TUB: variants seen among roughly 807,000 people sequenced by gnomAD.
TUB encodes tubby protein homolog.
A neutral mutation model predicts 59.7 loss-of-function variants in TUB; 33 were observed. The observed-to-expected ratio is 0.55, with a 90% CI of 0.42 to 0.74. TUB has a LOEUF of 0.74. TUB is among the 30% of genes least tolerant of loss of function. The probability of loss-of-function intolerance (pLI) is 0.00; values close to 1 mark genes in which losing one functional copy is unlikely to be tolerated. For synonymous variants in TUB, 293 were observed against 256.4 expected (o/e 1.14, Z -1.36); for missense variants, 659 against 672.0 (o/e 0.98, Z 0.21).
upstream of TUB, among the ~76,000 whole-genome samples, chr11:8,037,272 C>A (rs1308213996): frequency 6.6e-6 from 1 of 152,196 alleles, no homozygotes; most frequent in Non-Finnish European, 1.5e-5. Context: ...ATATTGGGAG[C>A]CTTGGCTTTG....
chr11:8,019,895 C>T (rs1013919403), intron 1 of TUB, among the ~76,000 whole-genome samples: 45 of 152,236 alleles, frequency 3.0e-4, no homozygotes, highest in African/African-American at 1.0e-3. Context: ...GCAGCCTGGG[C>T]CGGCTGTCTG....
rs565161187 is a variant in TUB, at chr11:8,104,874, C to G, written c.*3255C>G. ...TAATCAGAAGCTATAAGAGAACTTTCGGAGCCTGCCTCCTTCAGTGACAAG... is the reference window on the plus strand; with the variant it reads ...TAATCAGAAGCTATAAGAGAACTTTGGGAGCCTGCCTCCTTCAGTGACAAG... On this transcript the variant is annotated 3_prime_UTR_variant, in exon 12 of 12. Coordinates refer to ENST00000299506, the MANE Select transcript of TUB (RefSeq NM_177972.3). The G allele has an allele frequency of 2.7e-5, 4 of 150,696 alleles. No individual in the cohort carries two copies. The South Asian group carries it at 8.5e-4, about 32-fold the overall frequency. The allele number at this position is 150,696 out of a possible 1,614,324, so 9.3% of individuals were successfully genotyped here.
At position 8,106,088 on chromosome 11, in the gene TUB, ATAAACTTTGGTATTCTGGAGC is replaced by A. The variant is rs933050166; in HGVS notation, c.*4470_*4490del. On this transcript the variant is annotated 3_prime_UTR_variant, in exon 12 of 12. Transcript: ENST00000299506. ...AACTGTGCTTTTATTGACTTTTTGA[ATAAACTTTGGTATTCTGGAGC>A]AAATGTATTTATTTATTGGTATGTG... 4 of 152,176 alleles carry A rather than the reference ATAAACTTTGGTATTCTGGAGC, an allele frequency of 2.6e-5. No homozygotes were observed. Among genetic ancestry groups the A allele is most frequent in the African/African-American group, 9.7e-5 (4 of 41,434 alleles). 9.4% of individuals were successfully genotyped at this position (152,176 alleles called of 1,614,324 possible).
chr11:8,056,140 T>C (rs778496031), intron 2 of TUB, among the ~76,000 whole-genome samples: 6 of 152,112 alleles, frequency 3.9e-5, no homozygotes, highest in African/African-American at 4.8e-5. Flanking sequence ...CCTTCTCAGC[T>C]CTCTGAAGTC....
At chr11:8,073,892 AAAGAGCAGG>A (rs1943400730) in intron 2 of TUB, among the ~76,000 whole-genome samples, 1 of 10,998 alleles carries the variant, frequency 9.1e-5, no homozygotes, top group Non-Finnish European at 3.9e-4. Context: ...CAGAATAGGT[AAAGAGCAGG>A]TAAAGAGCAG....
In TUB at chr11:8,105,760, C is replaced by T. The variant is rs1191082738; in HGVS notation, c.*4141C>T. 7 of 152,184 alleles carry T rather than the reference C, an allele frequency of 4.6e-5. No individual in the cohort carries two copies. Among genetic ancestry groups the T allele is most frequent in the African/African-American group, 1.4e-4 (6 of 41,418 alleles). 9.4% of individuals were successfully genotyped at this position (152,184 alleles called of 1,614,324 possible). A position where few individuals can be genotyped will look rare whatever the true frequency, so the allele number is the denominator to read the frequency against. ...GCCTTTTTTTCTTTCCTAAGAAAGACATCACATCCCTCTCCTCTCCTCCTC... is the reference window on the plus strand; with the variant it reads ...GCCTTTTTTTCTTTCCTAAGAAAGATATCACATCCCTCTCCTCTCCTCCTC... On this transcript the variant is annotated 3_prime_UTR_variant, in exon 12 of 12. Transcript: ENST00000299506.
At chr11:8,100,753 G>T in intron 10 of TUB, 73 bp from the exon 11 acceptor site, 1 of 1,590,222 alleles carries the variant, frequency 6.3e-7, no homozygotes, top group South Asian at 1.1e-5. Flanking sequence ...CCCCATTCCC[G>T]GGATAGATCC....
chr11:8,063,306 A>G (rs1943169722), intron 2 of TUB, among the ~76,000 whole-genome samples: 1 of 152,260 alleles, frequency 6.6e-6, no homozygotes, highest in Non-Finnish European at 1.5e-5. Flanking sequence ...AAAAGAATTC[A>G]GTTAATTCAA....
rs1333816349 is a variant in TUB at position 8,099,021 on chromosome 11, C to T, written c.1116+146C>T. On this transcript the variant is annotated intron_variant, in intron 9 of 11. Coordinates refer to ENST00000299506, the MANE Select transcript of TUB (RefSeq NM_177972.3). ...CTGTCCTCTGTGGAGTGTTCCTGGCCTAGGACAGGGGCTCTGGCTCTCTCC... is the reference window on the plus strand; with the variant it reads ...CTGTCCTCTGTGGAGTGTTCCTGGCTTAGGACAGGGGCTCTGGCTCTCTCC... The T allele has an allele frequency of 2.7e-5, 18 of 675,052 alleles. No individual in the cohort carries two copies. The Admixed American group carries it at 4.0e-4, about 15-fold the overall frequency. The allele number at this position is 675,052 out of a possible 1,614,324, so 41.8% of individuals were successfully genotyped here. A position where few individuals can be genotyped will look rare whatever the true frequency, so the allele number is the denominator to read the frequency against.
intron 3 of TUB, among the ~76,000 whole-genome samples, chr11:8,092,830 G>C (rs1021506109): frequency 6.6e-6 from 1 of 152,172 alleles, no homozygotes; most frequent in Non-Finnish European, 1.5e-5. Flanking sequence ...CTCCCTGTCT[G>C]CCCTCTACTG....
intron 1 of TUB, among the ~76,000 whole-genome samples, chr11:8,019,534 T>G (rs1942387015): frequency 6.6e-6 from 1 of 151,944 alleles, no homozygotes; most frequent in African/African-American, 2.4e-5. Context: ...GCAGCGGAGC[T>G]CCAGCGAGGG....
chr11:8,081,595 G>T, intron 1 of TUB, 47 bp downstream of exon 1: 1 of 1,484,578 alleles, frequency 6.7e-7, no homozygotes, highest in South Asian at 1.3e-5. Context: ...GACTCGGGAC[G>T]TGAGCTGGCT....
At chr11:8,065,978 G>A (rs1351901712) in intron 2 of TUB, among the ~76,000 whole-genome samples, 1 of 152,192 alleles carries the variant, frequency 6.6e-6, no homozygotes, top group Non-Finnish European at 1.5e-5. Flanking sequence ...GCGGTGAAGC[G>A]TTTCTCTCTG....
chr11:8,082,637 G>C (rs912488403), intron 1 of TUB, among the ~76,000 whole-genome samples: 3 of 152,222 alleles, frequency 2.0e-5, no homozygotes, highest in African/African-American at 7.2e-5. Flanking sequence ...TTGTAACACA[G>C]CTTGCTCTCT....
At chr11:8,072,879 CTCACCTTATTTCAGAGTTGAG>C (rs1354660685) in intron 2 of TUB, among the ~76,000 whole-genome samples, 1 of 152,234 alleles carries the variant, frequency 6.6e-6, no homozygotes, top group African/African-American at 2.4e-5. Context: ...AGCGAGAATT[CTCACCTTATTTCAGAGTTGAG>C]TAAACTATAA....
At chr11:8,043,160 T>C (rs1317082945) in intron 2 of TUB, among the ~76,000 whole-genome samples, 2 of 152,204 alleles carry the variant, frequency 1.3e-5, no homozygotes, top group Admixed American at 1.3e-4. Flanking sequence ...GGATATTCAG[T>C]TGTCCCAGCA....
chr11:8,039,805 C>T (rs542913100), intron 2 of TUB: 11 of 783,640 alleles, frequency 1.4e-5, no homozygotes, highest in African/African-American at 7.2e-5. Flanking sequence ...ACCCCATATG[C>T]GCCTGGGAGT....
chr11:8,029,414 A>C (rs1438185413), intron 1 of TUB, among the ~76,000 whole-genome samples: 1 of 134,596 alleles, frequency 7.4e-6, no homozygotes, highest in African/African-American at 2.9e-5. Context: ...TTTGAGACAG[A>C]GTCTCGCTCT....
chr11:8,058,658 G>A (rs926126484), intron 2 of TUB, among the ~76,000 whole-genome samples: 2 of 152,180 alleles, frequency 1.3e-5, no homozygotes, highest in Non-Finnish European at 2.9e-5. Context: ...AAGTCACTCC[G>A]ACCACCAGTG....
Sources: allele counts gnomAD v4.1 joint callset (sites outside exome capture counted in the v4.1 genomes callset), GRCh38; gene constraint gnomAD v4.1.1; transcripts MANE v1.5; gene names NCBI Gene and HGNC (gene_info 2026-07-23, HGNC 2026-07-21).